Variants in CNTN4 observed in about 807,000 individuals in gnomAD.
CNTN4 encodes the protein contactin-4.
Under a neutral mutation model 122.5 loss-of-function variants are expected in CNTN4, and 77 were observed. The observed-to-expected ratio is 0.63, with a 90% CI of 0.52 to 0.76. The LOEUF (loss-of-function observed/expected upper bound fraction) is 0.76. CNTN4 is among the 30% of genes least tolerant of loss of function. CNTN4 has a pLI of 0.00. For synonymous variants in CNTN4, 512 were observed against 447.0 expected (o/e 1.15, Z -1.83); for missense variants, 1,256 against 1,259.1 (o/e 1.00, Z 0.04).
At position 2,570,373 on chromosome 3, in the gene CNTN4, C is replaced by T. The variant is rs139903691; in HGVS notation, c.-88-1043C>T. On this transcript the variant is annotated intron_variant, in intron 3 of 24. Coordinates refer to ENST00000418658, the MANE Select transcript of CNTN4 (RefSeq NM_175607.3). Reference sequence around the variant, plus strand: ...AAATTTTCCGTAAAGGTGGGGGTCTCGCTATGTTGCCCAGGCTGGTCTTGA... The same window carrying T: ...AAATTTTCCGTAAAGGTGGGGGTCTTGCTATGTTGCCCAGGCTGGTCTTGA... 2.2e-3 allele frequency among the ~76,000 whole-genome samples: 342 copies of T among 152,090 alleles called. 1 individual carries two copies. The highest frequency in any genetic ancestry group is 7.4e-3 in the African/African-American group (307 of 41,490).
At chr3:2,436,373 C>A (rs541471123) in intron 3 of CNTN4, among the ~76,000 whole-genome samples, 1 of 152,038 alleles carries the variant, frequency 6.6e-6, no homozygotes. Flanking sequence ...GCAGTGAGTG[C>A]TATAGGAGAA....
chr3:2,561,048 G>A (rs28419472), intron 3 of CNTN4, among the ~76,000 whole-genome samples: 37,250 of 152,056 alleles, frequency 0.24, 4,815 homozygotes, highest in African/African-American at 0.33. Context: ...CGTAATGATG[G>A]ACATACTAGT....
At chr3:2,671,489 A>C (rs1035691138) in intron 4 of CNTN4, among the ~76,000 whole-genome samples, 6 of 152,032 alleles carry the variant, frequency 3.9e-5, no homozygotes, top group Non-Finnish European at 8.8e-5. Flanking sequence ...TTAGCCATTC[A>C]TGTAATCTTT....
intron 3 of CNTN4, among the ~76,000 whole-genome samples, chr3:2,521,413 A>C (rs74431882): frequency 0.013 from 1,745 of 133,196 alleles, 27 homozygotes; most frequent in African/African-American, 0.047. Context: ...TAAATGGTGG[A>C]GTTGACCAAA....
At chr3:2,741,399 A>T (rs1331909281) in intron 5 of CNTN4, among the ~76,000 whole-genome samples, 1 of 152,226 alleles carries the variant, frequency 6.6e-6, no homozygotes, top group African/African-American at 2.4e-5. Flanking sequence ...TAAGGAAAAG[A>T]AGTGCATTCC....
intron 4 of CNTN4, among the ~76,000 whole-genome samples, chr3:2,631,156 C>A (rs2150034982): frequency 6.6e-6 from 1 of 152,060 alleles, no homozygotes; most frequent in East Asian, 1.9e-4. Context: ...TTTCTGACTG[C>A]TAGAAAGCAA....
At chr3:2,408,940 C>G (rs985323228) in intron 3 of CNTN4, among the ~76,000 whole-genome samples, 4 of 152,070 alleles carry the variant, frequency 2.6e-5, no homozygotes, top group Admixed American at 6.6e-5. Context: ...ATTTATAAAG[C>G]TTCAAGATTT....
chr3:2,294,377 T>A lies in CNTN4; in HGVS notation c.-144-44801T>A, dbSNP rs6788288. On this transcript the variant is annotated intron_variant, in intron 2 of 24. Coordinates refer to ENST00000418658, the MANE Select transcript of CNTN4 (RefSeq NM_175607.3). Reference sequence around the variant, plus strand: ...TAGGTGCGGTGGCTCACGCCTGTAATCCCAGCACTCTGGGAGGCCAAAGCT... The same window carrying A: ...TAGGTGCGGTGGCTCACGCCTGTAAACCCAGCACTCTGGGAGGCCAAAGCT... Among the ~76,000 whole-genome samples the A allele has an allele frequency of 5.4e-3, 823 of 151,024 alleles. 14 individuals carry two copies. The highest frequency in any genetic ancestry group is 0.019 in the African/African-American group (799 of 41,216).
chr3:2,466,970 C>CTTTTTTT (rs60879017), intron 3 of CNTN4, among the ~76,000 whole-genome samples: 200 of 115,712 alleles, frequency 1.7e-3, no homozygotes, highest in Middle Eastern at 5.6e-3. Context: ...TTCTTTCTTT[C>CTTTTTTT]TTTTTTTTTT....
intron 2 of CNTN4, among the ~76,000 whole-genome samples, chr3:2,282,269 A>G (rs2041744067): frequency 6.6e-6 from 1 of 152,120 alleles, no homozygotes; most frequent in Non-Finnish European, 1.5e-5. Flanking sequence ...GATGACAAAT[A>G]TTTAATGATT....
At position 2,709,200 on chromosome 3, in the gene CNTN4, T is replaced by G. The variant is rs1216689113; in HGVS notation, c.56-27015T>G. ...ATTTACAACAGACAAAACCAAATTT[T>G]ATTGGTAAAAATAACTATTTCTTTT... On this transcript the variant is annotated intron_variant, in intron 4 of 24. Transcript: ENST00000418658. This position sits in a 1 kb window ranked among gnomAD's most constrained non-coding sequence, Gnocchi z 5.0. Among the ~76,000 whole-genome samples, 1 of 152,200 alleles carries G rather than the reference T, an allele frequency of 6.6e-6. No homozygotes were observed. The highest frequency in any genetic ancestry group is 1.5e-5 in the Non-Finnish European group (1 of 68,036).
chr3:2,321,934 A>T (rs1156387285), intron 2 of CNTN4, among the ~76,000 whole-genome samples: 1 of 152,174 alleles, frequency 6.6e-6, no homozygotes, highest in African/African-American at 2.4e-5. Context: ...CACATTCATG[A>T]TCCTTAATAT....
At chr3:2,974,944 C>A (rs1559740250) in intron 13 of CNTN4, among the ~76,000 whole-genome samples, 1 of 152,082 alleles carries the variant, frequency 6.6e-6, no homozygotes, top group Non-Finnish European at 1.5e-5. Flanking sequence ...TGCTATTTGT[C>A]TTATAGAAAC....
intron 3 of CNTN4, among the ~76,000 whole-genome samples, chr3:2,508,053 T>C (rs1287805421): frequency 6.6e-6 from 1 of 152,354 alleles, no homozygotes; most frequent in East Asian, 1.9e-4. Context: ...ACAGACTGTT[T>C]TAATTTCATG....
intron 3 of CNTN4, among the ~76,000 whole-genome samples, chr3:2,381,075 G>A (rs183237618): frequency 1.1e-3 from 172 of 151,164 alleles, no homozygotes; most frequent in African/African-American, 3.9e-3. Flanking sequence ...GCACAATCTC[G>A]GCTCACTGCA....
At chr3:2,566,553 A>G (rs2079167415) in intron 3 of CNTN4, among the ~76,000 whole-genome samples, 1 of 152,204 alleles carries the variant, frequency 6.6e-6, no homozygotes, top group Non-Finnish European at 1.5e-5. Flanking sequence ...TAAAATGTCA[A>G]TCAAGAATAC....
intron 3 of CNTN4, among the ~76,000 whole-genome samples, chr3:2,393,315 G>T (rs1284332404): frequency 6.6e-6 from 1 of 152,018 alleles, no homozygotes; most frequent in Admixed American, 6.6e-5. Flanking sequence ...TTTTAAATAG[G>T]TCACATTCTG....
At chr3:2,437,341 A>G (rs1468835670) in intron 3 of CNTN4, among the ~76,000 whole-genome samples, 1 of 152,174 alleles carries the variant, frequency 6.6e-6, no homozygotes, top group Non-Finnish European at 1.5e-5. Context: ...AATACTGTAT[A>G]ATAAAATAAT....
chr3:2,942,101 CTATT>C (rs1319798270), intron 13 of CNTN4, among the ~76,000 whole-genome samples: 1 of 152,190 alleles, frequency 6.6e-6, no homozygotes, highest in Non-Finnish European at 1.5e-5. Flanking sequence ...CCGTTCACCA[CTATT>C]TATCCAGCAC....
Sources: allele counts gnomAD v4.1 joint callset (sites outside exome capture counted in the v4.1 genomes callset), GRCh38; gene constraint gnomAD v4.1.1; non-coding constraint Gnocchi (gnomAD v3.1); transcripts MANE v1.5; gene names NCBI Gene and HGNC (gene_info 2026-07-23, HGNC 2026-07-21).